SH3D19: variants seen among roughly 807,000 people sequenced by gnomAD.
SH3D19 encodes the protein SH3 domain-containing protein 19.
SH3D19 carries 58 observed loss-of-function variants against 112.1 expected under a neutral mutation model. That is an observed-to-expected ratio of 0.52 (90% confidence interval 0.42 to 0.64). The LOEUF is 0.64. Among genes scored for constraint, SH3D19 ranks in the 30% least tolerant of loss-of-function variants. SH3D19 has a pLI of 0.00. For missense variants in SH3D19, 1,090 were observed against 1,263.4 expected (o/e 0.86, Z 2.08); for synonymous variants, 391 against 448.5 (o/e 0.87, Z 1.62).
chr4:151,212,351 C>T (rs1766101474), intron 2 of SH3D19, among the ~76,000 whole-genome samples: 1 of 152,076 alleles, frequency 6.6e-6, no homozygotes, highest in Admixed American at 6.6e-5. Context: ...TGCTATGTTG[C>T]CCAGGCTGGT....
chr4:151,279,915 G>T (rs201618142), intron 1 of SH3D19: 2 of 1,613,684 alleles, frequency 1.2e-6, no homozygotes, highest in East Asian at 4.5e-5. Context: ...AGGTTCCCTC[G>T]TCAGTGAGAG....
chr4:151,260,934 C>T (rs939805417), intron 1 of SH3D19, among the ~76,000 whole-genome samples: 7 of 152,150 alleles, frequency 4.6e-5, no homozygotes, highest in Admixed American at 6.5e-5. Context: ...AGACTCTCCC[C>T]GCTTCCTTTA....
intron 3 of SH3D19, among the ~76,000 whole-genome samples, chr4:151,181,294 T>C (rs774324272): frequency 1.3e-5 from 2 of 152,110 alleles, no homozygotes; most frequent in Non-Finnish European, 2.9e-5. Context: ...TGCTTCTCTC[T>C]GAACAAGGAG....
intron 1 of SH3D19, among the ~76,000 whole-genome samples, chr4:151,294,957 G>A (rs531957844): frequency 6.6e-5 from 10 of 152,298 alleles, no homozygotes; most frequent in African/African-American, 2.2e-4. Context: ...ACTAAAAAAG[G>A]AGAGAAGGTG....
chr4:151,241,368 T>C (rs1770543241), intron 1 of SH3D19, among the ~76,000 whole-genome samples: 1 of 151,918 alleles, frequency 6.6e-6, no homozygotes, highest in African/African-American at 2.4e-5. Context: ...ATTTCATTTA[T>C]ATGAAATGTC....
At chr4:151,179,189 C>G (rs1032566278) in intron 4 of SH3D19, among the ~76,000 whole-genome samples, 166 bp downstream of exon 4, 3 of 152,200 alleles carry the variant, frequency 2.0e-5, no homozygotes, top group African/African-American at 7.2e-5. Context: ...TTCTCTCAAG[C>G]AAAATCATCT....
chr4:151,126,962 T>C (rs1006244393), intron 19 of SH3D19, among the ~76,000 whole-genome samples: 1 of 147,904 alleles, frequency 6.8e-6, no homozygotes, highest in Non-Finnish European at 1.5e-5. Context: ...TGGACAAGAG[T>C]GCAGTGGTGC....
intron 1 of SH3D19, among the ~76,000 whole-genome samples, chr4:151,280,803 A>G (rs1350749925): frequency 6.6e-6 from 1 of 152,114 alleles, no homozygotes; most frequent in Non-Finnish European, 1.5e-5. Flanking sequence ...AAAAAAAATT[A>G]AGTTTAAAAA....
intron 1 of SH3D19, among the ~76,000 whole-genome samples, chr4:151,312,515 C>G (rs1245460297): frequency 6.6e-6 from 1 of 152,124 alleles, no homozygotes; most frequent in Non-Finnish European, 1.5e-5. Context: ...AGTTGAGAAG[C>G]CTGGCCCTAC....
chr4:151,229,901 T>C (rs1178095113), intron 1 of SH3D19, among the ~76,000 whole-genome samples: 2 of 151,620 alleles, frequency 1.3e-5, no homozygotes, highest in African/African-American at 4.9e-5. Context: ...GGTGACGGAG[T>C]GAAACTCTGT....
At chr4:151,158,588 T>C (rs1041951887) in intron 9 of SH3D19, among the ~76,000 whole-genome samples, 2 of 151,958 alleles carry the variant, frequency 1.3e-5, no homozygotes, top group African/African-American at 4.8e-5. Flanking sequence ...GTGTGAGCCA[T>C]TGTGTCCAGC....
chr4:151,140,286 A>G (rs1043997754), intron 12 of SH3D19: 4 of 153,630 alleles, frequency 2.6e-5, no homozygotes, highest in African/African-American at 9.6e-5. Flanking sequence ...TCTATGATTT[A>G]TGCTCTTGCC....
chr4:151,157,150 G>A (rs1756267882), intron 9 of SH3D19, among the ~76,000 whole-genome samples: 1 of 152,062 alleles, frequency 6.6e-6, no homozygotes, highest in Admixed American at 6.6e-5. Flanking sequence ...TACTCAGGAG[G>A]CTGAGGTGGG....
intron 19 of SH3D19, among the ~76,000 whole-genome samples, chr4:151,124,522 C>A (rs930744979): frequency 3.9e-5 from 6 of 152,058 alleles, no homozygotes; most frequent in Non-Finnish European, 8.8e-5. Flanking sequence ...AGTTCAAGAC[C>A]AGCCCGGCAA....
chr4:151,322,444 A>C (rs979263250), intron 1 of SH3D19, among the ~76,000 whole-genome samples: 3 of 151,296 alleles, frequency 2.0e-5, no homozygotes, highest in African/African-American at 7.3e-5. Flanking sequence ...AAAAAAAAAA[A>C]AAAAAAAAAA....
At chr4:151,213,835 T>C (rs1766409222) in intron 2 of SH3D19, among the ~76,000 whole-genome samples, 1 of 151,664 alleles carries the variant, frequency 6.6e-6, no homozygotes, top group Admixed American at 6.6e-5. Context: ...TACAGGTGCA[T>C]GCCACCGTGA....
intron 9 of SH3D19, among the ~76,000 whole-genome samples, chr4:151,153,569 C>T (rs1755493481): frequency 6.6e-6 from 1 of 151,988 alleles, no homozygotes; most frequent in Admixed American, 6.6e-5. Context: ...TCTTTATGGC[C>T]TCTGTTTCAA....
At chr4:151,279,723 AATG>A (rs1200637029) in intron 1 of SH3D19, 5 of 1,426,484 alleles carry the variant, frequency 3.5e-6, no homozygotes, top group Non-Finnish European at 4.9e-6. Flanking sequence ...GGAGTTTGGG[AATG>A]ATGATAAGGT....
At chr4:151,166,944 G>C (rs1758140978) in intron 7 of SH3D19, among the ~76,000 whole-genome samples, 1 of 152,182 alleles carries the variant, frequency 6.6e-6, no homozygotes. Flanking sequence ...ATTTATGCCA[G>C]TAACAGTGCT....
Sources: gnomAD v4.1 joint callset for allele counts (sites outside exome capture counted in the v4.1 genomes callset) on GRCh38, gnomAD v4.1.1 for gene constraint, MANE v1.5 for transcripts, NCBI Gene and HGNC (gene_info 2026-07-23, HGNC 2026-07-21) for gene names.